The following CRB1 variants were observed in gnomAD, a reference collection of about 807,000 sequenced individuals.
The protein encoded by CRB1 is protein crumbs homolog 1.
In CRB1, 83 loss-of-function variants were observed where a neutral mutation model predicts 120.0. The ratio of observed to expected loss-of-function variants is 0.69; its 90% CI spans 0.58 to 0.83. The LOEUF is 0.83. Ranked by LOEUF, CRB1 falls within the 40% of genes least tolerant of loss-of-function variation. CRB1 has a pLI of 0.00. For missense variants in CRB1, 1,699 were observed against 1,687.6 expected (o/e 1.01, Z -0.12); for synonymous variants, 625 against 612.5 (o/e 1.02, Z -0.30).
chr1:197,447,534 G>C (rs961719438), intron 11 of CRB1: 2 of 152,272 alleles, frequency 1.3e-5, no homozygotes, highest in African/African-American at 4.8e-5. Flanking sequence ...CCAACCATGG[G>C]GGGTTCACTT....
At chr1:197,215,675 C>G in the CRB1 span, among the ~76,000 whole-genome samples, 1 of 152,174 alleles carries the variant, frequency 6.6e-6, no homozygotes, top group East Asian at 1.9e-4. Flanking sequence ...ACTTTTCCCC[C>G]TTTTACCCAG....
chr1:197,222,550 G>C, the CRB1 span: 2 of 767,614 alleles, frequency 2.6e-6, no homozygotes, highest in Non-Finnish European at 4.9e-6. Context: ...AATTCCATTC[G>C]CTCTTTATTT....
At chr1:197,356,399 C>A (rs1405265305) in intron 4 of CRB1, among the ~76,000 whole-genome samples, 1 of 152,116 alleles carries the variant, frequency 6.6e-6, no homozygotes, top group Admixed American at 6.5e-5. Context: ...TCATTGAATG[C>A]TATGAAATAA....
At chr1:197,283,121 TA>T (rs1002319725) in intron 1 of CRB1, among the ~76,000 whole-genome samples, 10 of 110,172 alleles carry the variant, frequency 9.1e-5, no homozygotes, top group Non-Finnish European at 1.9e-4. Context: ...ATAAAAAAAA[TA>T]AAAATAAACA....
chr1:197,317,774 G>T (rs1657941041), intron 1 of CRB1, among the ~76,000 whole-genome samples: 1 of 152,134 alleles, frequency 6.6e-6, no homozygotes. Flanking sequence ...AAATGGTACT[G>T]GGTAAACTGC....
rs373727738 is a variant in CRB1, at chr1:197,407,626, A to G, written c.1172-13374A>G. On this transcript the variant is annotated intron_variant, in intron 5 of 11. Transcript: ENST00000367400. ...TAACAGAATTACCTGGTATGCTCAT[A>G]AAAAATGCAGCTATCTGAGCCCGAT... is the stretch of plus-strand genomic sequence containing the variant. 1.2e-4 allele frequency among the ~76,000 whole-genome samples: 19 copies of G among 152,274 alleles called. No individual in the cohort carries two copies. The East Asian group carries it at 3.1e-3, about 25-fold the overall frequency.
chr1:197,421,745 T>C lies in CRB1; in HGVS notation c.1917T>C (p.Phe639=). 4 of 1,614,198 alleles carry C rather than the reference T, an allele frequency of 2.5e-6. No individual in the cohort carries two copies. The highest frequency in any genetic ancestry group is 3.4e-6 in the Non-Finnish European group (4 of 1,180,036). ...NFYNMPSTPS[F]VGCLQDIKID... The stretch of plus-strand genomic sequence containing the variant: ...ATAATATGCCATCCACACCTTCGTT[T>C]GTAGGCTGTCTCCAAGACATTAAAA... The change falls in exon 6 of 12, where the codon TTT becomes TTC. Residue 639 remains phenylalanine (F), a synonymous_variant. Transcript: ENST00000367400.
chr1:197,218,370 T>C, the CRB1 span, among the ~76,000 whole-genome samples: 1 of 152,186 alleles, frequency 6.6e-6, no homozygotes, highest in Non-Finnish European at 1.5e-5. Flanking sequence ...CTAGAACTCA[T>C]TTATATAATT....
intron 11 of CRB1, among the ~76,000 whole-genome samples, chr1:197,470,540 T>C (rs1346172828): frequency 6.6e-6 from 1 of 152,248 alleles, no homozygotes; most frequent in Admixed American, 6.5e-5. Flanking sequence ...GATTTGGTTC[T>C]TGTATGAGAT....
the CRB1 span, among the ~76,000 whole-genome samples, chr1:197,237,556 GAC>G: frequency 6.6e-6 from 1 of 152,170 alleles, no homozygotes; most frequent in Non-Finnish European, 1.5e-5. Flanking sequence ...TCAGACAATA[GAC>G]ATATTCCAAT....
chr1:197,255,211 G>T, the CRB1 span, among the ~76,000 whole-genome samples: 1 of 151,960 alleles, frequency 6.6e-6, no homozygotes, highest in Non-Finnish European at 1.5e-5. Context: ...CCCTACCCTA[G>T]TTAGGCTACT....
intron 1 of CRB1, among the ~76,000 whole-genome samples, chr1:197,268,873 A>G (rs1417760174): frequency 1.3e-5 from 2 of 152,192 alleles, no homozygotes; most frequent in East Asian, 3.9e-4. Flanking sequence ...TTATTCCCAC[A>G]TACTATATAT....
chr1:197,229,833 C>G, the CRB1 span, among the ~76,000 whole-genome samples: 114 of 152,046 alleles, frequency 7.5e-4, 2 homozygotes, highest in East Asian at 0.022. Context: ...CTTTTCCTCA[C>G]GATTTAAGCA....
intron 5 of CRB1, among the ~76,000 whole-genome samples, chr1:197,379,272 A>G (rs1661810089): frequency 6.6e-6 from 1 of 152,104 alleles, no homozygotes; most frequent in Admixed American, 6.5e-5. Context: ...GATTCTTAGG[A>G]GATATTTAAA....
intron 5 of CRB1, among the ~76,000 whole-genome samples, chr1:197,407,626 A>T (rs373727738): frequency 6.6e-6 from 1 of 152,156 alleles, no homozygotes; most frequent in African/African-American, 2.4e-5. Flanking sequence ...GTATGCTCAT[A>T]AAAAATGCAG....
chr1:197,447,121 C>CCTCTG (rs1227764056), intron 11 of CRB1, among the ~76,000 whole-genome samples: 1 of 152,172 alleles, frequency 6.6e-6, no homozygotes, highest in Non-Finnish European at 1.5e-5. Context: ...TTAACTAGGT[C>CCTCTG]CTCTGCTCAG....
In CRB1 at chr1:197,365,487, G is replaced by A. The variant is rs147004360; in HGVS notation, c.1171+8474G>A. Reference sequence around the variant, plus strand: ...CTTTTGCCATGGCCCCCTTGCCTATGATGCCTCTGGGGAGGGGGGGAGAAG... The same window carrying A: ...CTTTTGCCATGGCCCCCTTGCCTATAATGCCTCTGGGGAGGGGGGGAGAAG... On this transcript the variant is annotated intron_variant, in intron 5 of 11. Coordinates refer to ENST00000367400, the MANE Select transcript of CRB1 (RefSeq NM_201253.3). Among the ~76,000 whole-genome samples, 20 of 152,188 alleles carry A rather than the reference G, an allele frequency of 1.3e-4. No homozygotes were observed. In the East Asian group the frequency reaches 3.9e-3, roughly 29 times the overall value.
intron 6 of CRB1, among the ~76,000 whole-genome samples, chr1:197,424,697 A>C (rs1442624832): frequency 6.6e-6 from 1 of 152,186 alleles, no homozygotes; most frequent in African/African-American, 2.4e-5. Flanking sequence ...ATTGTCACTC[A>C]TGATGCCACA....
At chr1:197,335,478 A>G (rs1426185251) in intron 2 of CRB1, among the ~76,000 whole-genome samples, 1 of 152,044 alleles carries the variant, frequency 6.6e-6, no homozygotes, top group African/African-American at 2.4e-5. Context: ...AAAGAGACCT[A>G]TCAAGTTTTT....
Sources: gnomAD v4.1 joint callset for allele counts (sites outside exome capture counted in the v4.1 genomes callset) on GRCh38, gnomAD v4.1.1 for gene constraint, MANE v1.5 for transcripts, NCBI Gene and HGNC (gene_info 2026-07-23, HGNC 2026-07-21) for gene names.